CNTN1: variants seen among roughly 807,000 people sequenced by gnomAD.
CNTN1 encodes contactin-1.
In CNTN1, 38 loss-of-function variants were observed where a neutral mutation model predicts 126.4. That is an observed-to-expected ratio of 0.30 (90% confidence interval 0.23 to 0.39). CNTN1 has a LOEUF of 0.39. Among genes scored for constraint, CNTN1 ranks in the 10% least tolerant of loss-of-function variants. The pLI is 1.00. For missense variants in CNTN1, 1,009 were observed against 1,248.4 expected (o/e 0.81, Z 2.89); for synonymous variants, 413 against 422.6 (o/e 0.98, Z 0.28).
In CNTN1 at chr12:40,868,784, T is replaced by C. The variant is rs1016602537; in HGVS notation, c.-76-39573T>C. Among the ~76,000 whole-genome samples, 6 of 152,126 alleles carry C rather than the reference T, an allele frequency of 3.9e-5. 1 individual carries two copies. The highest frequency in any genetic ancestry group is 4.1e-4 in the South Asian group (2 of 4,822). On this transcript the variant is annotated intron_variant, in intron 1 of 23. Coordinates refer to ENST00000551295, the MANE Select transcript of CNTN1 (RefSeq NM_001843.4). ...CGTGCAGTCAATTATAAATTCTGTG[T>C]GGATTGAGACCAACTGTGTTTTCTC...
chr12:40,834,237 T>C (rs1050858095), intron 1 of CNTN1, among the ~76,000 whole-genome samples: 2 of 152,208 alleles, frequency 1.3e-5, no homozygotes, highest in South Asian at 2.1e-4. Flanking sequence ...AAGAGAACAG[T>C]AAACGATTTT....
At chr12:40,852,752 T>C (rs533806129) in intron 1 of CNTN1, among the ~76,000 whole-genome samples, 1 of 152,218 alleles carries the variant, frequency 6.6e-6, no homozygotes, top group Admixed American at 6.5e-5. Flanking sequence ...GAAAAAAATG[T>C]TTGCTTTTGT....
intron 1 of CNTN1, among the ~76,000 whole-genome samples, chr12:40,809,257 A>T (rs937185003): frequency 6.6e-6 from 1 of 152,208 alleles, no homozygotes; most frequent in Non-Finnish European, 1.5e-5. Flanking sequence ...TTTTCCAGGA[A>T]ATTACAGCTG....
intron 1 of CNTN1, among the ~76,000 whole-genome samples, chr12:40,866,552 T>A (rs988962392): frequency 4.6e-5 from 7 of 152,170 alleles, no homozygotes; most frequent in Non-Finnish European, 1.0e-4. Flanking sequence ...TTTTTCTACA[T>A]CTATGCAGGG....
intron 23 of CNTN1, among the ~76,000 whole-genome samples, chr12:41,065,492 A>G (rs1003326446): frequency 1.3e-5 from 2 of 152,256 alleles, no homozygotes; most frequent in Admixed American, 1.3e-4. Context: ...ACACCAGAGC[A>G]ATCATGGAAT....
chr12:40,906,158 C>T (rs1174082890), intron 1 of CNTN1, among the ~76,000 whole-genome samples: 3 of 152,102 alleles, frequency 2.0e-5, no homozygotes, highest in Non-Finnish European at 2.9e-5. Context: ...GTAGTCCCAG[C>T]TACTCGGGAG....
chr12:40,831,845 G>T (rs1941851868), intron 1 of CNTN1, among the ~76,000 whole-genome samples: 1 of 152,094 alleles, frequency 6.6e-6, no homozygotes, highest in South Asian at 2.1e-4. Flanking sequence ...GAACAAACAA[G>T]TCAAATGCAG....
intron 1 of CNTN1, among the ~76,000 whole-genome samples, chr12:40,774,750 G>A (rs1939509864): frequency 6.7e-6 from 1 of 149,980 alleles, no homozygotes; most frequent in South Asian, 2.1e-4. Flanking sequence ...TATGCTTTTA[G>A]TCTTCTACTT....
chr12:41,023,374 T>C (rs1028183225), intron 20 of CNTN1, among the ~76,000 whole-genome samples: 4 of 152,238 alleles, frequency 2.6e-5, no homozygotes, highest in Non-Finnish European at 1.5e-5. Context: ...AATGTTTATG[T>C]CACTTAGTAT....
chr12:40,745,557 A>G (rs1275190416), intron 1 of CNTN1, among the ~76,000 whole-genome samples: 1 of 152,174 alleles, frequency 6.6e-6, no homozygotes, highest in African/African-American at 2.4e-5. Flanking sequence ...ATTATGGAGA[A>G]CAAGGTTCTT....
chr12:40,740,158 A>G (rs891337758), intron 1 of CNTN1, among the ~76,000 whole-genome samples: 2 of 145,548 alleles, frequency 1.4e-5, no homozygotes, highest in African/African-American at 2.6e-5. Context: ...GTAATGAAAC[A>G]TGTTATAAAT....
chr12:41,056,106 G>A (rs765432265), intron 23 of CNTN1, among the ~76,000 whole-genome samples: 4 of 152,024 alleles, frequency 2.6e-5, no homozygotes, highest in Non-Finnish European at 5.9e-5. Flanking sequence ...TTGGAATGTG[G>A]CCTGCAGAGA....
intron 1 of CNTN1, among the ~76,000 whole-genome samples, chr12:40,823,723 C>T (rs1418675410): frequency 6.6e-6 from 1 of 152,050 alleles, no homozygotes; most frequent in Non-Finnish European, 1.5e-5. Context: ...CATGGACTTC[C>T]ATAGCTTAAG....
chr12:40,859,441 T>C (rs1212979945), intron 1 of CNTN1, among the ~76,000 whole-genome samples: 1 of 152,144 alleles, frequency 6.6e-6, no homozygotes, highest in Non-Finnish European at 1.5e-5. Context: ...TATGGGAACC[T>C]ATCTGATCTT....
chr12:40,771,478 C>A (rs1939333446), intron 1 of CNTN1, among the ~76,000 whole-genome samples: 2 of 151,942 alleles, frequency 1.3e-5, no homozygotes, highest in Non-Finnish European at 2.9e-5. Flanking sequence ...ATGGGAAACT[C>A]TATATATTTA....
At chr12:40,940,789 A>C (rs1199310427) in intron 12 of CNTN1, among the ~76,000 whole-genome samples, 2 of 152,182 alleles carry the variant, frequency 1.3e-5, no homozygotes, top group Non-Finnish European at 2.9e-5. Context: ...CAGGGTTGTT[A>C]AGATTTTAAC....
At chr12:40,959,434 T>C (rs1336125291) in intron 15 of CNTN1, among the ~76,000 whole-genome samples, 200 bp downstream of exon 15, 1 of 152,068 alleles carries the variant, frequency 6.6e-6, no homozygotes, top group Admixed American at 6.6e-5. Context: ...ATTTTGTTTG[T>C]TTTACTAACT....
intron 1 of CNTN1, among the ~76,000 whole-genome samples, chr12:40,886,490 G>A (rs1203348512): frequency 2.0e-5 from 3 of 152,150 alleles, no homozygotes; most frequent in South Asian, 4.1e-4. Context: ...GGAGTAGGTT[G>A]CAAAAATTTT....
At chr12:40,790,118 A>C (rs7136811) in intron 1 of CNTN1, among the ~76,000 whole-genome samples, 137,772 of 152,116 alleles carry the variant, frequency 0.91, 62,522 homozygotes, top group Middle Eastern at 0.95. Context: ...CAGCTGCATG[A>C]CCCTCTGCTT....
Sources: allele counts gnomAD v4.1 joint callset (sites outside exome capture counted in the v4.1 genomes callset), GRCh38; gene constraint gnomAD v4.1.1; transcripts MANE v1.5; gene names NCBI Gene and HGNC (gene_info 2026-07-23, HGNC 2026-07-21).